Variants in EPB41L4A observed in about 807,000 individuals in gnomAD.
EPB41L4A encodes the protein band 4.1-like protein 4A.
EPB41L4A carries 100 observed loss-of-function variants against 108.6 expected under a neutral mutation model. That is an observed-to-expected ratio of 0.92 (90% CI 0.78 to 1.09). The LOEUF is 1.09. Among genes scored for constraint, EPB41L4A ranks in the 50% least tolerant of loss-of-function variants. The probability of loss-of-function intolerance (pLI) is 0.00; values close to 1 mark genes in which losing one functional copy is unlikely to be tolerated. For synonymous variants in EPB41L4A, 319 were observed against 289.0 expected, an observed-to-expected ratio of 1.10 and a Z score of -1.05; for missense variants, 1,030 against 842.7, an observed-to-expected ratio of 1.22 and a Z score of -2.75.
chr5:112,335,600 G>C (rs1756865693), intron 1 of EPB41L4A, among the ~76,000 whole-genome samples: 1 of 152,156 alleles, frequency 6.6e-6, no homozygotes, highest in African/African-American at 2.4e-5. Flanking sequence ...GCATGAACCT[G>C]ACCATGGCTC....
chr5:112,319,956 G>GA (rs1462612361), intron 1 of EPB41L4A, among the ~76,000 whole-genome samples: 3 of 152,094 alleles, frequency 2.0e-5, no homozygotes, highest in Non-Finnish European at 2.9e-5. Context: ...TTCAATAAGA[G>GA]AAAAAAATCA....
chr5:112,213,713 T>C (rs1028218682), intron 12 of EPB41L4A, among the ~76,000 whole-genome samples: 1 of 152,166 alleles, frequency 6.6e-6, no homozygotes, highest in Non-Finnish European at 1.5e-5. Context: ...CCCTACTCTA[T>C]AACAAATGTG....
intron 1 of EPB41L4A, among the ~76,000 whole-genome samples, chr5:112,318,317 G>C (rs1169232202): frequency 2.0e-5 from 3 of 152,146 alleles, no homozygotes; most frequent in African/African-American, 7.2e-5. Context: ...GCATTCTTTG[G>C]CAACAGAAAT....
intron 1 of EPB41L4A, among the ~76,000 whole-genome samples, chr5:112,385,608 A>T (rs1760468039): frequency 6.6e-6 from 1 of 152,102 alleles, no homozygotes; most frequent in Non-Finnish European, 1.5e-5. Flanking sequence ...CACTAAAATT[A>T]TCTCCTTATT....
At chr5:112,217,086 A>C (rs1017017130) in intron 12 of EPB41L4A, among the ~76,000 whole-genome samples, 2 of 151,818 alleles carry the variant, frequency 1.3e-5, no homozygotes, top group Non-Finnish European at 2.9e-5. Context: ...CTGGGATTAC[A>C]GGCACCCACC....
intron 1 of EPB41L4A, among the ~76,000 whole-genome samples, chr5:112,365,015 C>G (rs1759035237): frequency 6.6e-6 from 1 of 152,118 alleles, no homozygotes; most frequent in South Asian, 2.1e-4. Context: ...ACCTATTTCT[C>G]AGTTGCCAAG....
intron 15 of EPB41L4A, among the ~76,000 whole-genome samples, chr5:112,200,499 T>A (rs1157978951): frequency 6.6e-6 from 1 of 152,206 alleles, no homozygotes; most frequent in Admixed American, 6.5e-5. Context: ...GCACATATAT[T>A]CCTATGACTC....
At position 112,199,146 on chromosome 5, in the gene EPB41L4A, C is replaced by T. The variant is rs114081055; in HGVS notation, c.1377-3438G>A. Among the ~76,000 whole-genome samples, 753 of 152,316 alleles carry T rather than the reference C, an allele frequency of 4.9e-3. 5 individuals are homozygous for T. The highest frequency in any genetic ancestry group is 0.017 in the African/African-American group (697 of 41,570). On this transcript the variant is annotated intron_variant, in intron 15 of 22. Transcript: ENST00000261486. ...GAAAGTAAGTATATGTAAGTCTTTTCTCTTGTACCTAGTCCATTTCCTGCA... is the reference window on the plus strand; with the variant it reads ...GAAAGTAAGTATATGTAAGTCTTTTTTCTTGTACCTAGTCCATTTCCTGCA...
At chr5:112,367,961 A>C (rs945896924) in intron 1 of EPB41L4A, among the ~76,000 whole-genome samples, 12 of 152,226 alleles carry the variant, frequency 7.9e-5, no homozygotes, top group African/African-American at 2.4e-4. Flanking sequence ...TTACCTTACC[A>C]GGAAGATGAA....
intron 1 of EPB41L4A, among the ~76,000 whole-genome samples, chr5:112,327,244 T>TA (rs1206988298): frequency 2.6e-5 from 4 of 152,146 alleles, no homozygotes; most frequent in South Asian, 4.2e-4. Context: ...AAGGCTTTGT[T>TA]AAAAAAAATT....
chr5:112,239,804 C>A, intron 10 of EPB41L4A, 67 bp from the exon 11 acceptor site: 1 of 1,022,478 alleles, frequency 9.8e-7, no homozygotes. Flanking sequence ...CCACCCCCTT[C>A]TCCTAACACA....
At chr5:112,314,282 C>A (rs62365192) in intron 1 of EPB41L4A, among the ~76,000 whole-genome samples, 9,555 of 151,774 alleles carry the variant, frequency 0.063, 367 homozygotes, top group Middle Eastern at 0.087. Flanking sequence ...TGAAAAGGGG[C>A]TTCATTTCTA....
At chr5:112,289,787 T>G (rs945135934) in intron 2 of EPB41L4A, among the ~76,000 whole-genome samples, 1 of 152,210 alleles carries the variant, frequency 6.6e-6, no homozygotes, top group Admixed American at 6.5e-5. Flanking sequence ...AGAACAGACA[T>G]GAGCGGGCCC....
intron 1 of EPB41L4A, among the ~76,000 whole-genome samples, chr5:112,313,956 C>T (rs1003552313): frequency 6.6e-6 from 1 of 150,542 alleles, no homozygotes; most frequent in Non-Finnish European, 1.5e-5. Flanking sequence ...CTCCGCCTCC[C>T]GGGTTCACGC....
intron 12 of EPB41L4A, among the ~76,000 whole-genome samples, chr5:112,225,669 T>C (rs1031949318): frequency 4.6e-5 from 7 of 152,218 alleles, no homozygotes; most frequent in African/African-American, 1.7e-4. Flanking sequence ...ATTATCTGCA[T>C]GCATACTTTC....
intron 12 of EPB41L4A, among the ~76,000 whole-genome samples, chr5:112,221,230 A>T (rs1473190249): frequency 1.3e-5 from 2 of 152,162 alleles, no homozygotes; most frequent in African/African-American, 4.8e-5. Flanking sequence ...CAATAGCATC[A>T]TGGACTGCCT....
chr5:112,285,783 A>G (rs569612302), intron 2 of EPB41L4A, among the ~76,000 whole-genome samples: 2 of 152,338 alleles, frequency 1.3e-5, no homozygotes, highest in Non-Finnish European at 2.9e-5. Flanking sequence ...AAATGCAATA[A>G]TAACAGCTAG....
chr5:112,182,721 A>G (rs755323181), intron 18 of EPB41L4A, among the ~76,000 whole-genome samples: 9 of 152,216 alleles, frequency 5.9e-5, no homozygotes, highest in Non-Finnish European at 1.0e-4. Flanking sequence ...CGCTGTATCT[A>G]ATCTTGGGTT....
At chr5:112,178,081 C>T (rs1025609166) in intron 18 of EPB41L4A, among the ~76,000 whole-genome samples, 1 of 149,624 alleles carries the variant, frequency 6.7e-6, no homozygotes, top group Admixed American at 6.6e-5. Context: ...ACACTGTTTA[C>T]AAGAGGTGGA....
Sources: allele counts gnomAD v4.1 joint callset (sites outside exome capture counted in the v4.1 genomes callset), GRCh38; gene constraint gnomAD v4.1.1; transcripts MANE v1.5; gene names NCBI Gene and HGNC (gene_info 2026-07-23, HGNC 2026-07-21).